The following PCDHA8 variants were observed in gnomAD, a reference collection of about 807,000 sequenced individuals.
PCDHA8 encodes the protein protocadherin alpha 8.
PCDHA8 carries 53 observed loss-of-function variants against 61.8 expected under a neutral mutation model. The observed-to-expected ratio is 0.86, with a 90% CI of 0.69 to 1.08. PCDHA8 has a LOEUF of 1.08. Ranked by LOEUF, PCDHA8 falls within the 50% of genes least tolerant of loss-of-function variation. The pLI, the probability that PCDHA8 is intolerant of heterozygous loss-of-function variation, is 0.00. For synonymous variants in PCDHA8, 618 were observed against 556.6 expected, an observed-to-expected ratio of 1.11 and a Z score of -1.55; for missense variants, 1,293 against 1,245.0, an observed-to-expected ratio of 1.04 and a Z score of -0.58.
In PCDHA8 at chr5:140,927,196, G is replaced by A. The variant is rs781932405; in HGVS notation, c.2395-51753G>A. On this transcript the variant is annotated intron_variant, in intron 1 of 3. Coordinates refer to ENST00000531613, the MANE Select transcript of PCDHA8 (RefSeq NM_018911.3). ...CGTCTTGACCTACGACCTGGTGCTC[G>A]AGGACCCGCTGGAGCTGCACAAGAT... The A allele has an allele frequency of 5.6e-6, 9 of 1,614,028 alleles. No homozygotes were observed. In the South Asian group the frequency reaches 7.7e-5, roughly 14 times the overall value.
At chr5:140,851,158 C>G (rs2041978839) in intron 1 of PCDHA8, 1 of 1,299,046 alleles carries the variant, frequency 7.7e-7, no homozygotes, top group African/African-American at 1.5e-5. Context: ...ATTTCTGATG[C>G]TATGCTGCCA....
chr5:140,843,159 C>T lies in PCDHA8; in HGVS notation c.1838C>T (p.Pro613Leu). 5 of 1,596,084 alleles carry T rather than the reference C, an allele frequency of 3.1e-6. 1 individual carries two copies. The highest frequency in any genetic ancestry group is 4.3e-6 in the Non-Finnish European group (5 of 1,165,594). Residue 613 changes from proline (P) to leucine (L), a missense_variant, in exon 1 of 4, where the codon CCA becomes CTA. Pro to Leu is a moderately conservative substitution (Grantham distance 98, BLOSUM62 -3). Coordinates refer to ENST00000531613, the MANE Select transcript of PCDHA8 (RefSeq NM_018911.3). ...YNAWLSYELQPAASSPRIPFR... is the reference protein window; with the variant it reads ...YNAWLSYELQLAASSPRIPFR... ...GCGTGGCTTTCGTATGAGCTGCAGC[C>T]AGCTGCAAGCAGCCCTCGCATCCCG...
intron 2 of PCDHA8, 101 bp downstream of exon 2, chr5:140,979,108 A>G: frequency 6.6e-7 from 1 of 1,526,122 alleles, no homozygotes; most frequent in African/African-American, 1.4e-5. Flanking sequence ...AAAACTAAAA[A>G]GCTTTAGGTA....
intron 1 of PCDHA8, among the ~76,000 whole-genome samples, chr5:140,933,345 A>G (rs1257404732): frequency 6.6e-6 from 1 of 151,960 alleles, no homozygotes; most frequent in Non-Finnish European, 1.5e-5. Flanking sequence ...AAAGATAAAC[A>G]CTTTATTTCT....
rs374146742 is a variant in PCDHA8 at position 140,927,954 on chromosome 5, C to T, written c.2395-50995C>T. ...CGAACCCAGTACCTGAGGACGCTGC[C>T]CCTGGCACAGTGATTGCTCTCTTTA... On this transcript the variant is annotated intron_variant, in intron 1 of 3. Transcript: ENST00000531613. The T allele has an allele frequency of 5.2e-5, 84 of 1,614,080 alleles. No homozygotes were observed. In the African/African-American group the frequency reaches 1.0e-3, roughly 19 times the overall value.
At chr5:140,849,688 T>C in intron 1 of PCDHA8, 3 of 1,598,706 alleles carry the variant, frequency 1.9e-6, no homozygotes, top group Non-Finnish European at 2.6e-6. Flanking sequence ...TTCAAGCTGG[T>C]GTCCACCTAC....
At chr5:140,955,183 G>A (rs556157825) in intron 1 of PCDHA8, among the ~76,000 whole-genome samples, 1 of 152,122 alleles carries the variant, frequency 6.6e-6, no homozygotes, top group South Asian at 2.1e-4. Flanking sequence ...GTAGTTTTGT[G>A]GTGTATATGA....
intron 1 of PCDHA8, among the ~76,000 whole-genome samples, chr5:140,931,177 A>G (rs1288307941): frequency 1.3e-5 from 2 of 152,200 alleles, no homozygotes; most frequent in African/African-American, 4.8e-5. Context: ...ATTTTAGGGA[A>G]GGAAATTGGT....
In PCDHA8 at chr5:140,981,860, A is replaced by C. The variant is rs377325751; in HGVS notation, c.2454-615A>C. On this transcript the variant is annotated intron_variant, in intron 2 of 3. Coordinates refer to ENST00000531613, the MANE Select transcript of PCDHA8 (RefSeq NM_018911.3). ...TCCCAGTTTGTATCTCACTCCCAGC[A>C]ATGTTTTATGCTGAATTAATCTCTT... Among the ~76,000 whole-genome samples the C allele has an allele frequency of 1.1e-3, 166 of 152,246 alleles. 1 individual carries two copies. The highest frequency in any genetic ancestry group is 3.9e-3 in the African/African-American group (160 of 41,532).
chr5:140,879,532 C>T (rs1189647724), intron 1 of PCDHA8, among the ~76,000 whole-genome samples: 1 of 152,146 alleles, frequency 6.6e-6, no homozygotes, highest in Admixed American at 6.5e-5. Context: ...TTGGGAACAA[C>T]TCCTTTAGAG....
At chr5:140,883,466 A>G (rs782104317) in intron 1 of PCDHA8, 43 of 1,614,010 alleles carry the variant, frequency 2.7e-5, no homozygotes, top group Non-Finnish European at 3.5e-5. Context: ...GCTGGTGTCC[A>G]CCTACAAGAA....
chr5:140,950,826 G>A (rs1554219646), intron 1 of PCDHA8, among the ~76,000 whole-genome samples: 1 of 151,824 alleles, frequency 6.6e-6, no homozygotes, highest in African/African-American at 2.4e-5. Flanking sequence ...TTAAAGTTTG[G>A]TCCTTTAAGA....
At chr5:140,905,855 A>G (rs1297642648) in intron 1 of PCDHA8, among the ~76,000 whole-genome samples, 1 of 152,128 alleles carries the variant, frequency 6.6e-6, no homozygotes, top group East Asian at 1.9e-4. Context: ...AGGAGTATTA[A>G]CTCACACAAT....
chr5:140,948,902 T>C (rs943078074), intron 1 of PCDHA8, among the ~76,000 whole-genome samples: 1 of 151,528 alleles, frequency 6.6e-6, no homozygotes, highest in Non-Finnish European at 1.5e-5. Flanking sequence ...TTAAGTGGAT[T>C]CTTAGGTAAC....
chr5:140,843,626 C>G lies in PCDHA8; in HGVS notation c.2305C>G (p.Leu769Val), dbSNP rs1779006743. 1.3e-6 allele frequency: 2 copies of G among 1,596,058 alleles called. No homozygotes were observed. Among genetic ancestry groups the G allele is most frequent in the East Asian group, 4.5e-5 (2 of 44,832 alleles). ...TGGTGAGGGGCCACCGAAGACGGAC[C>G]TCATGGCCTTCAGCCCCTGCCTTCC... ...CSGEGPPKTD[L>V]MAFSPCLPPD... is the part of the protein sequence containing the mutation. Residue 769 changes from leucine (L) to valine (V), a missense_variant, in exon 1 of 4, where the codon CTC (leucine) becomes GTC (valine). Coordinates refer to ENST00000531613, the MANE Select transcript of PCDHA8 (RefSeq NM_018911.3).
At position 140,941,221 on chromosome 5, in the gene PCDHA8, T is replaced by TTC. The variant is rs1217645089; in HGVS notation, c.2395-37726_2395-37725dup. Among the ~76,000 whole-genome samples the TTC allele has an allele frequency of 5.2e-4, 68 of 131,640 alleles. 1 individual carries two copies. Among genetic ancestry groups the TTC allele is most frequent in the African/African-American group, 2.0e-3 (67 of 33,088 alleles). 86.4% of individuals were successfully genotyped at this position (131,640 alleles called of 152,430 possible). A position where few individuals can be genotyped will look rare whatever the true frequency, so the allele number is the denominator to read the frequency against. Reference sequence around the variant, plus strand: ...TTTCTTCCTTTCTTTCTTCCTTTCTTTCTTTCTTTCTTTCTTTCTTTCTTT... The same window carrying TTC: ...TTTCTTCCTTTCTTTCTTCCTTTCTTTCTCTTTCTTTCTTTCTTTCTTTCTTT... On this transcript the variant is annotated intron_variant, in intron 1 of 3. Transcript: ENST00000531613.
At chr5:140,919,982 G>GA (rs35005979) in intron 1 of PCDHA8, among the ~76,000 whole-genome samples, 49,705 of 152,056 alleles carry the variant, frequency 0.33, 8,403 homozygotes, top group East Asian at 0.53. Flanking sequence ...GATAGAAGAT[G>GA]GAAAACAGAC....
intron 1 of PCDHA8, chr5:140,861,489 T>C (rs1263329401): frequency 2.0e-6 from 1 of 487,812 alleles, no homozygotes; most frequent in Non-Finnish European, 4.2e-6. Flanking sequence ...TTTTGTGAGT[T>C]CTCTGATAGA....
At chr5:140,973,272 TC>T (rs1412629943) in intron 1 of PCDHA8, among the ~76,000 whole-genome samples, 1 of 152,134 alleles carries the variant, frequency 6.6e-6, no homozygotes, top group African/African-American at 2.4e-5. Flanking sequence ...TACTTTTATT[TC>T]CCCCAGCACT....
Sources: gnomAD v4.1 joint callset for allele counts (sites outside exome capture counted in the v4.1 genomes callset) on GRCh38, gnomAD v4.1.1 for gene constraint, MANE v1.5 for transcripts, NCBI Gene and HGNC (gene_info 2026-07-23, HGNC 2026-07-21) for gene names.